PDE8A: variants seen among roughly 807,000 people sequenced by gnomAD.
PDE8A encodes phosphodiesterase 8A, also known as high affinity cAMP-specific and IBMX-insensitive 3',5'-cyclic phosphodiesterase 8A.
Under a neutral mutation model 105.0 loss-of-function variants are expected in PDE8A, and 59 were observed. The ratio of observed to expected loss-of-function variants is 0.56; its 90% CI spans 0.46 to 0.70. The LOEUF (loss-of-function observed/expected upper bound fraction) is 0.70, where lower values mean the gene tolerates loss of function less well. PDE8A is among the 30% of genes least tolerant of loss of function. The pLI, the probability that PDE8A is intolerant of heterozygous loss-of-function variation, is 0.00. For synonymous variants in PDE8A, 355 were observed against 371.9 expected (o/e 0.95, Z 0.52); for missense variants, 1,014 against 1,045.9 (o/e 0.97, Z 0.42).
chr15:85,100,222 T>C (rs1567285193), intron 11 of PDE8A, 24 bp downstream of exon 11: 1 of 1,592,338 alleles, frequency 6.3e-7, no homozygotes, highest in East Asian at 2.2e-5. Context: ...TATTTATTCT[T>C]AGAGTTCATT....
At chr15:85,086,288 T>C (rs745367610) in intron 6 of PDE8A, among the ~76,000 whole-genome samples, 4 of 152,176 alleles carry the variant, frequency 2.6e-5, no homozygotes, top group Non-Finnish European at 5.9e-5. Context: ...CTAACACTTA[T>C]AAAAGCCACA....
At chr15:85,055,279 A>G (rs1254881388) in intron 1 of PDE8A, among the ~76,000 whole-genome samples, 3 of 152,178 alleles carry the variant, frequency 2.0e-5, no homozygotes, top group Admixed American at 6.5e-5. Flanking sequence ...AGAAGAATGT[A>G]TATTTTGTTG....
chr15:85,114,639 T>C (rs1226615322), intron 14 of PDE8A, among the ~76,000 whole-genome samples: 2 of 152,200 alleles, frequency 1.3e-5, no homozygotes. Context: ...CTCTGTCAGC[T>C]TTTGTCTTGG....
intron 20 of PDE8A, among the ~76,000 whole-genome samples, chr15:85,132,285 T>C (rs528009699): frequency 1.3e-5 from 2 of 152,234 alleles, no homozygotes; most frequent in East Asian, 3.9e-4. Flanking sequence ...CTTCAAATAA[T>C]CTCTGTCCTT....
chr15:85,073,476 C>G (rs1404593488), intron 3 of PDE8A, among the ~76,000 whole-genome samples: 1 of 152,192 alleles, frequency 6.6e-6, no homozygotes, highest in East Asian at 1.9e-4. Flanking sequence ...TAATCCAGTG[C>G]TTCTCATTCT....
chr15:85,047,347 A>T (rs1268818913), intron 1 of PDE8A, among the ~76,000 whole-genome samples: 3 of 152,132 alleles, frequency 2.0e-5, no homozygotes, highest in Admixed American at 6.5e-5. Flanking sequence ...CCCACTGCTG[A>T]CGTCTGCTCA....
At chr15:85,021,613 C>G (rs2080427935) in intron 1 of PDE8A, among the ~76,000 whole-genome samples, 1 of 152,008 alleles carries the variant, frequency 6.6e-6, no homozygotes, top group Non-Finnish European at 1.5e-5. Flanking sequence ...CTCAAACTGA[C>G]TAAGACAACA....
chr15:85,007,887 G>A (rs2080174913), intron 1 of PDE8A, among the ~76,000 whole-genome samples: 1 of 152,176 alleles, frequency 6.6e-6, no homozygotes, highest in Non-Finnish European at 1.5e-5. Context: ...ACATTCCTAA[G>A]TATGGCCATA....
intron 9 of PDE8A, among the ~76,000 whole-genome samples, chr15:85,098,894 C>G (rs1454331953): frequency 6.6e-6 from 1 of 151,660 alleles, no homozygotes; most frequent in Non-Finnish European, 1.5e-5. Context: ...GAGGTCGAGG[C>G]TGCAGTGAGC....
intron 1 of PDE8A, among the ~76,000 whole-genome samples, chr15:85,034,139 C>G (rs901057567): frequency 6.6e-6 from 1 of 152,148 alleles, no homozygotes; most frequent in Admixed American, 6.5e-5. Flanking sequence ...ATTTTGACTC[C>G]TCCGTATTAT....
Position 85,076,754 on chromosome 15 carries a change from C to T in PDE8A, c.513C>T (p.Ser171=), listed in dbSNP as rs753386074. Residue 171 remains serine (S), a synonymous_variant, in exon 5 of 22, where the codon TCC becomes TCT. Transcript: ENST00000394553. ...GAAGGGTGGATAGAGAAGAGTTGTCCGTAATGCCTTTCATTTCTGCTGGAT... is the reference window on the plus strand; with the variant it reads ...GAAGGGTGGATAGAGAAGAGTTGTCTGTAATGCCTTTCATTTCTGCTGGAT... The part of the protein sequence containing the change: ...VVRRVDREEL[S]VMPFISAGFT... 12 of 1,596,860 alleles carry T rather than the reference C, an allele frequency of 7.5e-6. No individual in the cohort carries two copies. The highest frequency in any genetic ancestry group is 3.3e-5 in the South Asian group (3 of 90,746).
rs1277187966 is a variant in PDE8A at position 85,022,599 on chromosome 15, G to C, written c.186+40251G>C. Among the ~76,000 whole-genome samples the C allele has an allele frequency of 2.6e-5, 4 of 151,244 alleles. No homozygotes were observed. The East Asian group carries it at 7.8e-4, about 29-fold the overall frequency. On this transcript the variant is annotated intron_variant, in intron 1 of 21. Coordinates refer to ENST00000394553, the MANE Select transcript of PDE8A (RefSeq NM_002605.3). ...CTGTCACCCCTGTCGCCCAGGCTGG[G>C]GTGCAGTGGCGTGATCTCAGCTCAC...
In PDE8A at chr15:85,097,937, T is replaced by C. The variant is rs759072510; in HGVS notation, c.853-11T>C. ...ACACAAAGTATGACGATGCTTACAT[T>C]CCATTTATAGGAGTGGCAAGGAATT... On this transcript the variant is annotated splice_polypyrimidine_tract_variant and intron_variant, in intron 8 of 21. Transcript: ENST00000394553. 7 of 1,429,676 alleles carry C rather than the reference T, an allele frequency of 4.9e-6. No individual in the cohort carries two copies. The Admixed American group carries it at 1.2e-4, about 24-fold the overall frequency. The allele number at this position is 1,429,676 out of a possible 1,614,324, so 88.6% of individuals were successfully genotyped here.
chr15:85,053,751 T>C (rs1466032143), intron 1 of PDE8A, among the ~76,000 whole-genome samples: 5 of 152,254 alleles, frequency 3.3e-5, no homozygotes, highest in African/African-American at 7.2e-5. Context: ...TATACAATCA[T>C]GTCATCTGCA....
chr15:85,044,370 A>C (rs1395415072), intron 1 of PDE8A, among the ~76,000 whole-genome samples: 3 of 152,134 alleles, frequency 2.0e-5, no homozygotes, highest in Non-Finnish European at 2.9e-5. Context: ...GAGGAAAGAG[A>C]CTATGACAGT....
At chr15:85,061,270 G>C (rs571232299) in intron 1 of PDE8A, among the ~76,000 whole-genome samples, 2 of 151,828 alleles carry the variant, frequency 1.3e-5, no homozygotes, top group South Asian at 4.2e-4. Flanking sequence ...ATCTTGCTCT[G>C]TTGTCCAGGC....
At chr15:85,065,140 T>A (rs1244894779) in intron 2 of PDE8A, among the ~76,000 whole-genome samples, 1 of 152,098 alleles carries the variant, frequency 6.6e-6, no homozygotes, top group African/African-American at 2.4e-5. Context: ...TTCATTCACG[T>A]TTCTGTAGAT....
chr15:85,069,356 AC>A (rs1369205305), intron 3 of PDE8A, among the ~76,000 whole-genome samples: 1 of 152,158 alleles, frequency 6.6e-6, no homozygotes, highest in African/African-American at 2.4e-5. Context: ...ACTAAGTGAA[AC>A]CCTGAGATTT....
intron 1 of PDE8A, among the ~76,000 whole-genome samples, chr15:84,999,459 C>A (rs914270747): frequency 2.6e-5 from 4 of 152,160 alleles, no homozygotes; most frequent in Admixed American, 6.5e-5. Context: ...TTCCCTCATT[C>A]ATTCAGCAAA....
Sources: allele counts gnomAD v4.1 joint callset (sites outside exome capture counted in the v4.1 genomes callset), GRCh38; gene constraint gnomAD v4.1.1; transcripts MANE v1.5; gene names NCBI Gene and HGNC (gene_info 2026-07-23, HGNC 2026-07-21).